Variants in LIMA1 observed in about 807,000 individuals in gnomAD.
The protein encoded by LIMA1 is LIM domain and actin-binding protein 1.
Under a neutral mutation model 62.6 loss-of-function variants are expected in LIMA1, and 52 were observed. The ratio of observed to expected loss-of-function variants is 0.83; its 90% CI spans 0.67 to 1.05. The LOEUF (loss-of-function observed/expected upper bound fraction) is 1.05. Ranked by LOEUF, LIMA1 falls within the 50% of genes least tolerant of loss-of-function variation. LIMA1 has a pLI of 0.00. For missense variants in LIMA1, 780 were observed against 902.2 expected (o/e 0.86, Z 1.74); for synonymous variants, 302 against 317.8 (o/e 0.95, Z 0.53).
At chr12:50,273,913 G>A (rs932524364) in intron 1 of LIMA1, among the ~76,000 whole-genome samples, 1 of 152,196 alleles carries the variant, frequency 6.6e-6, no homozygotes, top group East Asian at 1.9e-4. Flanking sequence ...TGTAATAGGA[G>A]TTGATAGACT....
At chr12:50,222,732 G>A in intron 3 of LIMA1, 1 of 1,339,990 alleles carries the variant, frequency 7.5e-7, no homozygotes. Context: ...GCCTTATAAG[G>A]ACAAAATGAG....
In LIMA1 at chr12:50,195,829, C is replaced by T. The variant is rs778142224; in HGVS notation, c.1030+1G>A. ...CTCCAGATCTAAGAAAGAATGCTTA[C>T]GGGAGTCATCTTCGGCAGGGGTGGA... On this transcript the variant is annotated splice_donor_variant, in intron 8 of 10. Coordinates refer to ENST00000341247, the MANE Select transcript of LIMA1 (RefSeq NM_016357.5). LOFTEE classifies it high-confidence loss of function. 41 of 1,574,578 alleles carry T rather than the reference C, an allele frequency of 2.6e-5. No homozygotes were observed. Among genetic ancestry groups the T allele is most frequent in the South Asian group, 3.4e-5 (3 of 87,482 alleles).
chr12:50,191,833 A>AAAAC lies in LIMA1; in HGVS notation c.1140+615_1140+618dup, dbSNP rs1424374131. Among the ~76,000 whole-genome samples the AAAAC allele has an allele frequency of 4.2e-4, 63 of 148,338 alleles. 1 individual carries two copies. Among genetic ancestry groups the AAAAC allele is most frequent in the Admixed American group, 1.0e-3 (15 of 14,770 alleles). On this transcript the variant is annotated intron_variant, in intron 9 of 10. Transcript: ENST00000341247. Reference sequence around the variant, plus strand: ...CGAGACTCTGTCTCAAAACAAAACAAAAACAAACAAACAAACAAACAAAAA... The same window carrying AAAAC: ...CGAGACTCTGTCTCAAAACAAAACAAAAACAAACAAACAAACAAACAAACAAAAA...
chr12:50,245,383 A>G (rs1941833257), intron 2 of LIMA1, among the ~76,000 whole-genome samples: 1 of 150,578 alleles, frequency 6.6e-6, no homozygotes, highest in East Asian at 2.0e-4. Context: ...ACTGCACTCT[A>G]GCCTGGGCGA....
intron 4 of LIMA1, 42 bp downstream of exon 4, chr12:50,221,979 T>C (rs1941449263): frequency 1.3e-6 from 2 of 1,536,188 alleles, no homozygotes; most frequent in Admixed American, 1.9e-5. Flanking sequence ...TGTTTAGTGC[T>C]TGAATTGGCT....
intron 10 of LIMA1, among the ~76,000 whole-genome samples, chr12:50,180,980 C>T (rs12424335): frequency 0.37 from 55,300 of 151,180 alleles, 10,671 homozygotes; most frequent in African/African-American, 0.45. Flanking sequence ...GGTGTGGTGG[C>T]GGGCGCCTGT....
At chr12:50,206,357 T>C (rs192624571) in intron 4 of LIMA1, among the ~76,000 whole-genome samples, 6 of 152,280 alleles carry the variant, frequency 3.9e-5, no homozygotes. Flanking sequence ...GACAATGACA[T>C]GTCCTTCTAA....
At chr12:50,195,686 G>T in intron 8 of LIMA1, 144 bp downstream of exon 8, 2 of 723,056 alleles carry the variant, frequency 2.8e-6, no homozygotes, top group Non-Finnish European at 4.3e-6. Flanking sequence ...AGTGTGTAAA[G>T]GACATTCAAG....
chr12:50,246,356 AAGAACGTGG>A (rs1941849557), intron 2 of LIMA1, among the ~76,000 whole-genome samples: 2 of 152,070 alleles, frequency 1.3e-5, no homozygotes, highest in African/African-American at 4.8e-5. Flanking sequence ...TGAAAAGGGT[AAGAACGTGG>A]AGAAGTTTCT....
intron 7 of LIMA1, among the ~76,000 whole-genome samples, chr12:50,199,333 A>G (rs1052088489): frequency 2.0e-5 from 3 of 152,154 alleles, no homozygotes; most frequent in Non-Finnish European, 1.5e-5. Context: ...TCCATCTCCA[A>G]ACAAACAAAC....
At chr12:50,276,731 G>A (rs1010732000) in intron 1 of LIMA1, among the ~76,000 whole-genome samples, 9 of 152,056 alleles carry the variant, frequency 5.9e-5, no homozygotes, top group East Asian at 1.9e-4. Flanking sequence ...TTAGCTAGGC[G>A]TGGTGGCATG....
At position 50,191,727 on chromosome 12, in the gene LIMA1, T is replaced by C. The variant is rs920617148; in HGVS notation, c.1140+725A>G. On this transcript the variant is annotated intron_variant, in intron 9 of 10. Coordinates refer to ENST00000341247, the MANE Select transcript of LIMA1 (RefSeq NM_016357.5). ...GTCCCAGCTACTCGGGAGGCCGAGG[T>C]AGGAGAATGGCGTGAACCCGGGAGG... 4.6e-5 allele frequency among the ~76,000 whole-genome samples: 7 copies of C among 151,514 alleles called. No individual in the cohort carries two copies. The East Asian group carries it at 1.4e-3, about 29-fold the overall frequency.
Position 50,222,401 on chromosome 12 carries a change from C to G in LIMA1, c.250G>C (p.Glu84Gln). 6.2e-7 allele frequency: 1 copy of G among 1,614,142 alleles called. No individual in the cohort carries two copies. Among genetic ancestry groups the G allele is most frequent in the Non-Finnish European group, 8.5e-7 (1 of 1,180,016 alleles). The change falls in exon 4 of 11, where the codon GAG (glutamate) becomes CAG (glutamine). Residue 84 changes from glutamate to glutamine, a missense_variant. By Grantham distance (29) the Glu-to-Gln change is conservative. Transcript: ENST00000341247. The stretch of plus-strand genomic sequence containing the variant: ...TTCCGTAGAGAGTCTGTGTGAGACT[C>G]TGCTCCCAGCCCTGGGTTCTCCCAC... ...KKWENPGLGA[E>Q]SHTDSLRNSS...
chr12:50,225,494 T>A (rs1271631359), intron 3 of LIMA1, among the ~76,000 whole-genome samples: 1 of 152,218 alleles, frequency 6.6e-6, no homozygotes, highest in Non-Finnish European at 1.5e-5. Flanking sequence ...TGTTCTACAC[T>A]TTGCATTTAA....
chr12:50,210,682 T>C (rs1199004546), intron 4 of LIMA1, among the ~76,000 whole-genome samples: 1 of 152,198 alleles, frequency 6.6e-6, no homozygotes, highest in Non-Finnish European at 1.5e-5. Flanking sequence ...AGAGGCTTTC[T>C]TTGGTTTTAA....
At chr12:50,215,838 C>T (rs1231831877) in intron 4 of LIMA1, among the ~76,000 whole-genome samples, 1 of 151,980 alleles carries the variant, frequency 6.6e-6, no homozygotes, top group Non-Finnish European at 1.5e-5. Context: ...TCACTTGAGG[C>T]TGGGAGTTCG....
At chr12:50,281,595 G>A (rs921641719) in intron 1 of LIMA1, among the ~76,000 whole-genome samples, 7 of 151,942 alleles carry the variant, frequency 4.6e-5, no homozygotes, top group African/African-American at 1.5e-4. Context: ...GGGACTACCT[G>A]ATAACAACAC....
Position 50,260,046 on chromosome 12 carries a change from C to T in LIMA1, c.-23-11272G>A, listed in dbSNP as rs561559054. 6.6e-5 allele frequency among the ~76,000 whole-genome samples: 10 copies of T among 152,206 alleles called. No individual in the cohort carries two copies. The South Asian group carries it at 1.5e-3, about 22-fold the overall frequency. On this transcript the variant is annotated intron_variant, in intron 1 of 10. Transcript: ENST00000341247. Reference sequence around the variant, plus strand: ...AGTCAGTCTCTCTCCCTTCTCTGAGCGAGCTCACTTACTCTCAACTCATCA... The same window carrying T: ...AGTCAGTCTCTCTCCCTTCTCTGAGTGAGCTCACTTACTCTCAACTCATCA...
At position 50,258,797 on chromosome 12, in the gene LIMA1, G is replaced by A. The variant is rs1214810029; in HGVS notation, c.-23-10023C>T. On this transcript the variant is annotated intron_variant, in intron 1 of 10. Transcript: ENST00000341247. ...TGAGTAGCTGGGACCGCAGGCATGCGCCACCACACCCGAGTAATTTTTGTA... is the reference window on the plus strand; with the variant it reads ...TGAGTAGCTGGGACCGCAGGCATGCACCACCACACCCGAGTAATTTTTGTA... Among the ~76,000 whole-genome samples, 14 of 151,784 alleles carry A rather than the reference G, an allele frequency of 9.2e-5. No individual in the cohort carries two copies. The East Asian group carries it at 2.7e-3, about 29-fold the overall frequency.
Sources: allele counts gnomAD v4.1 joint callset (sites outside exome capture counted in the v4.1 genomes callset), GRCh38; gene constraint gnomAD v4.1.1; transcripts MANE v1.5; gene names NCBI Gene and HGNC (gene_info 2026-07-23, HGNC 2026-07-21).